Variants in DDX10 observed in about 807,000 individuals in gnomAD.
DDX10 encodes DEAD-box helicase 10, also known as probable ATP-dependent RNA helicase DDX10.
In DDX10, 74 loss-of-function variants were observed where a neutral mutation model predicts 104.3. The observed-to-expected ratio is 0.71, with a 90% confidence interval of 0.59 to 0.86. DDX10 has a LOEUF of 0.86. Ranked by LOEUF, DDX10 falls within the 40% of genes least tolerant of loss-of-function variation. DDX10 has a pLI of 0.00. For synonymous variants in DDX10, 351 were observed against 353.4 expected (o/e 0.99, Z 0.08); for missense variants, 952 against 1,040.0 (o/e 0.92, Z 1.16).
intron 17 of DDX10, among the ~76,000 whole-genome samples, chr11:108,936,270 A>G (rs1365576430): frequency 2.6e-5 from 4 of 152,184 alleles, no homozygotes; most frequent in Non-Finnish European, 5.9e-5. Context: ...CACACCAGAC[A>G]TTACTAATAA....
At chr11:108,852,065 G>A in intron 15 of DDX10, 88 bp from the exon 16 acceptor site, 1 of 1,040,972 alleles carries the variant, frequency 9.6e-7, no homozygotes, top group Non-Finnish European at 1.4e-6. Flanking sequence ...ATATTAGTTA[G>A]CTTTAGGAAA....
chr11:108,685,288 C>A (rs1197631684), intron 6 of DDX10, among the ~76,000 whole-genome samples: 1 of 150,966 alleles, frequency 6.6e-6, no homozygotes, highest in Non-Finnish European at 1.5e-5. Flanking sequence ...GGGAGTGACC[C>A]GATTTTCCAG....
intron 13 of DDX10, among the ~76,000 whole-genome samples, chr11:108,727,128 C>T (rs2094306292): frequency 6.6e-6 from 1 of 151,812 alleles, no homozygotes; most frequent in Non-Finnish European, 1.5e-5. Context: ...TATTGGTTTG[C>T]AGTTTTCTTT....
chr11:108,699,613 A>G (rs1283111303), intron 9 of DDX10, among the ~76,000 whole-genome samples: 1 of 152,200 alleles, frequency 6.6e-6, no homozygotes, highest in Non-Finnish European at 1.5e-5. Flanking sequence ...AATGTCTTTC[A>G]TGACCTAGAC....
intron 13 of DDX10, among the ~76,000 whole-genome samples, chr11:108,828,139 G>C (rs907269711): frequency 6.6e-6 from 1 of 152,086 alleles, no homozygotes; most frequent in Non-Finnish European, 1.5e-5. Context: ...GTGGTATTAA[G>C]TTTATTATTT....
At chr11:108,754,418 G>A (rs920954314) in intron 13 of DDX10, among the ~76,000 whole-genome samples, 6 of 152,072 alleles carry the variant, frequency 3.9e-5, no homozygotes, top group African/African-American at 1.4e-4. Flanking sequence ...CGAGTTTTCA[G>A]GTGGAATGAG....
intron 10 of DDX10, among the ~76,000 whole-genome samples, chr11:108,715,614 G>A (rs929189450): frequency 3.3e-5 from 5 of 152,216 alleles, no homozygotes; most frequent in African/African-American, 1.2e-4. Context: ...AGTAGCCAAT[G>A]CTAACTGTGG....
At position 108,665,255 on chromosome 11, in the gene DDX10, G is replaced by A. The variant is rs759510341; in HGVS notation, c.102G>A (p.Lys34=). The A allele has an allele frequency of 1.5e-5, 24 of 1,612,018 alleles. No individual in the cohort carries two copies. Among genetic ancestry groups the A allele is most frequent in the Non-Finnish European group, 2.0e-5 (24 of 1,179,072 alleles). ...AACACAGCCATAGGCAGAACAAAAA[G>A]AAGCAGTTGAGGAAGCAACTGAAGA... ...KKKHSHRQNK[K]KQLRKQLKKP... Residue 34 remains lysine, a synonymous_variant, in exon 1 of 18, where the codon AAG becomes AAA. Transcript: ENST00000322536.
intron 17 of DDX10, among the ~76,000 whole-genome samples, chr11:108,939,181 A>T (rs577708254): frequency 6.6e-6 from 1 of 152,350 alleles, no homozygotes; most frequent in South Asian, 2.1e-4. Context: ...TAAAGGTCTG[A>T]CTGTGTTGAT....
At chr11:108,716,429 AT>A (rs1485680731) in intron 11 of DDX10, among the ~76,000 whole-genome samples, 1 of 152,106 alleles carries the variant, frequency 6.6e-6, no homozygotes, top group Non-Finnish European at 1.5e-5. Flanking sequence ...TTTGAAAAAT[AT>A]TTTTTATATA....
At chr11:108,833,833 A>G (rs1862509104) in intron 13 of DDX10, among the ~76,000 whole-genome samples, 1 of 152,016 alleles carries the variant, frequency 6.6e-6, no homozygotes. Flanking sequence ...AGACTGGGCT[A>G]TTGTGTTTTA....
chr11:108,918,028 T>C lies in DDX10; in HGVS notation c.2450+10T>C. On this transcript the variant is annotated intron_variant, in intron 17 of 17. Transcript: ENST00000322536. ...TGGAAAATAAAATAAGGTATGTTTT[T>C]ACTATGGGTATGAAATACATACTTA... 1 of 1,610,732 alleles carries C rather than the reference T, an allele frequency of 6.2e-7. No individual in the cohort carries two copies. Among genetic ancestry groups the C allele is most frequent in the Non-Finnish European group, 8.5e-7 (1 of 1,177,094 alleles).
intron 13 of DDX10, among the ~76,000 whole-genome samples, chr11:108,806,455 T>C (rs1285493491): frequency 6.6e-6 from 1 of 152,294 alleles, no homozygotes; most frequent in South Asian, 2.1e-4. Context: ...GTGAACGACA[T>C]TGAGCTTTTA....
At chr11:108,761,718 A>G (rs1047353896) in intron 13 of DDX10, among the ~76,000 whole-genome samples, 1 of 152,142 alleles carries the variant, frequency 6.6e-6, no homozygotes, top group Admixed American at 6.6e-5. Flanking sequence ...TTTCTACTCC[A>G]ACTTACATAT....
chr11:108,831,523 C>A (rs1192188414), intron 13 of DDX10, among the ~76,000 whole-genome samples: 1 of 146,394 alleles, frequency 6.8e-6, no homozygotes, highest in Non-Finnish European at 1.5e-5. Context: ...GTTGACTCTT[C>A]TTTATTTTGT....
chr11:108,716,400 C>CT (rs1276446087), intron 11 of DDX10, among the ~76,000 whole-genome samples: 1 of 152,008 alleles, frequency 6.6e-6, no homozygotes, highest in African/African-American at 2.4e-5. Flanking sequence ...CCTGGCCAGT[C>CT]TAGCTTATTC....
intron 13 of DDX10, among the ~76,000 whole-genome samples, chr11:108,736,506 G>A (rs2094318591): frequency 6.6e-6 from 1 of 152,130 alleles, no homozygotes; most frequent in South Asian, 2.1e-4. Flanking sequence ...ATTGGGCTCT[G>A]TTATGGTTTG....
intron 15 of DDX10, among the ~76,000 whole-genome samples, chr11:108,845,209 AAAACAAACAAAC>A (rs36193704): frequency 2.2e-4 from 34 of 151,894 alleles, no homozygotes; most frequent in African/African-American, 7.3e-4. Flanking sequence ...CTCTGTCTCA[AAAACAAACAAAC>A]AAACAAACAA....
At chr11:108,670,104 C>T (rs1304881985) in intron 1 of DDX10, among the ~76,000 whole-genome samples, 1 of 152,166 alleles carries the variant, frequency 6.6e-6, no homozygotes, top group East Asian at 1.9e-4. Context: ...AAGACTTTAT[C>T]TGGAAGCCAT....
Sources: gnomAD v4.1 joint callset for allele counts (sites outside exome capture counted in the v4.1 genomes callset) on GRCh38, gnomAD v4.1.1 for gene constraint, MANE v1.5 for transcripts, NCBI Gene and HGNC (gene_info 2026-07-23, HGNC 2026-07-21) for gene names.